The following RTN3 variants were observed in gnomAD, a reference collection of about 807,000 sequenced individuals.
The protein encoded by RTN3 is reticulon 3.
A neutral mutation model predicts 77.8 loss-of-function variants in RTN3; 49 were observed. The ratio of observed to expected loss-of-function variants is 0.63; its 90% confidence interval spans 0.50 to 0.80. The LOEUF (loss-of-function observed/expected upper bound fraction) is 0.80, where lower values mean the gene tolerates loss of function less well. Ranked by LOEUF, RTN3 falls within the 30% of genes least tolerant of loss-of-function variation. The probability of loss-of-function intolerance (pLI) is 0.00; values close to 1 mark genes in which losing one functional copy is unlikely to be tolerated. For synonymous variants in RTN3, 464 were observed against 446.9 expected (o/e 1.04, Z -0.48); for missense variants, 1,236 against 1,211.9 (o/e 1.02, Z -0.29).
At chr11:63,732,168 AT>A (rs1477476648) in intron 3 of RTN3, among the ~76,000 whole-genome samples, 1 of 152,012 alleles carries the variant, frequency 6.6e-6, no homozygotes, top group Non-Finnish European at 1.5e-5. Flanking sequence ...ATTATTTTTT[AT>A]TTTTTTGGAA....
intron 2 of RTN3, among the ~76,000 whole-genome samples, chr11:63,711,547 A>G (rs1216850490): frequency 6.6e-6 from 1 of 151,056 alleles, no homozygotes; most frequent in East Asian, 2.0e-4. Flanking sequence ...GTGCCACCAC[A>G]CCAAGCTAAT....
intron 5 of RTN3, 38 bp from the exon 6 acceptor site, chr11:63,753,031 C>A: frequency 6.3e-7 from 1 of 1,591,910 alleles, no homozygotes; most frequent in East Asian, 2.2e-5. Flanking sequence ...TTTTGCCTTA[C>A]GGTTATTCCT....
intron 1 of RTN3, 132 bp downstream of exon 1, chr11:63,681,910 G>T (rs1366205715): frequency 1.0e-6 from 1 of 993,686 alleles, no homozygotes; most frequent in South Asian, 1.8e-5. Context: ...CCCCGGGGAC[G>T]AGCGTTTGGA....
rs548015691 is a variant in RTN3, at chr11:63,750,461, T to G, written c.2738+263T>G. The G allele has an allele frequency of 3.0e-4, 120 of 406,274 alleles. 3 individuals are homozygous for G. Among genetic ancestry groups the G allele is most frequent in the South Asian group, 2.1e-3 (68 of 32,288 alleles). The allele number at this position is 406,274 out of a possible 1,614,324, so 25.2% of individuals were successfully genotyped here. A position where few individuals can be genotyped will look rare whatever the true frequency, so the allele number is the denominator to read the frequency against. On this transcript the variant is annotated intron_variant, in intron 4 of 8. Coordinates refer to ENST00000377819, the MANE Select transcript of RTN3 (RefSeq NM_001265589.2). ...TCAAAGAAGACTCTAAATTCTTTTT[T>G]TTTTTTTTTGAGACGGATATTGCTC...
rs746404385 is a variant in RTN3 at position 63,718,965 on chromosome 11, C to T, written c.463C>T (p.Arg155Cys). 64 of 1,614,044 alleles carry T rather than the reference C, an allele frequency of 4.0e-5. No individual in the cohort carries two copies. The highest frequency in any genetic ancestry group is 1.1e-4 in the South Asian group (10 of 91,088). The change falls in exon 3 of 9, where the codon CGT becomes TGT. Residue 155 changes from arginine (R) to cysteine (C), a missense_variant. By Grantham distance (180) the Arg-to-Cys change is radical. Coordinates refer to ENST00000377819, the MANE Select transcript of RTN3 (RefSeq NM_001265589.2). Reference protein sequence around the residue: ...VSLAAGVHCDRPSIPASFPEH... With the variant: ...VSLAAGVHCDCPSIPASFPEH... ...TCTTGCAGCAGGAGTTCATTGTGAC[C>T]GTCCTTCTATTCCAGCCAGTTTCCC...
rs1335299901 is a variant in RTN3 at position 63,758,142 on chromosome 11, C to T, written c.3054-14C>T. On this transcript the variant is annotated splice_polypyrimidine_tract_variant and intron_variant, in intron 8 of 8. Coordinates refer to ENST00000377819, the MANE Select transcript of RTN3 (RefSeq NM_001265589.2). Reference sequence around the variant, plus strand: ...TTTTCACTTTCTTTCTTTTTCCCCTCCTTTTCTCAATAGGATCCAAGCAAA... The same window carrying T: ...TTTTCACTTTCTTTCTTTTTCCCCTTCTTTTCTCAATAGGATCCAAGCAAA... The T allele has an allele frequency of 6.5e-7, 1 of 1,547,304 alleles. No homozygotes were observed. The highest frequency in any genetic ancestry group is 8.8e-7 in the Non-Finnish European group (1 of 1,138,100).
At chr11:63,684,764 C>G (rs1004467888) in intron 1 of RTN3, among the ~76,000 whole-genome samples, 1 of 152,016 alleles carries the variant, frequency 6.6e-6, no homozygotes, top group African/African-American at 2.4e-5. Flanking sequence ...GAGAAATAAA[C>G]TAAAGAGAAA....
At chr11:63,731,477 A>T (rs2012687886) in intron 3 of RTN3, among the ~76,000 whole-genome samples, 1 of 152,214 alleles carries the variant, frequency 6.6e-6, no homozygotes, top group Non-Finnish European at 1.5e-5. Context: ...GACAACATCT[A>T]GGAAAATTCC....
Position 63,711,538 on chromosome 11 carries a change from T to A in RTN3, c.199+6631T>A, listed in dbSNP as rs543443049. Among the ~76,000 whole-genome samples, 3 of 151,342 alleles carry A rather than the reference T, an allele frequency of 2.0e-5. No homozygotes were observed. In the South Asian group the frequency reaches 6.3e-4, roughly 32 times the overall value. On this transcript the variant is annotated intron_variant, in intron 2 of 8. Coordinates refer to ENST00000377819, the MANE Select transcript of RTN3 (RefSeq NM_001265589.2). ...CTGAGTAGCTGGAACCACAGGCGTG[T>A]GCCACCACACCAAGCTAATTTAAAA...
chr11:63,687,892 C>G (rs1452862232), intron 1 of RTN3, among the ~76,000 whole-genome samples: 2 of 152,126 alleles, frequency 1.3e-5, no homozygotes, highest in Non-Finnish European at 2.9e-5. Flanking sequence ...TATTGTTATG[C>G]CTTTTTTCCC....
At chr11:63,701,785 A>G (rs1942249865) in intron 1 of RTN3, among the ~76,000 whole-genome samples, 1 of 152,092 alleles carries the variant, frequency 6.6e-6, no homozygotes, top group Non-Finnish European at 1.5e-5. Context: ...TCTCCAGAAA[A>G]AAATAAAAAA....
intron 3 of RTN3, among the ~76,000 whole-genome samples, chr11:63,732,484 TGACTG>T (rs1031119794): frequency 1.8e-4 from 27 of 151,256 alleles, no homozygotes; most frequent in African/African-American, 5.4e-4. Flanking sequence ...AATTATTTCT[TGACTG>T]GACAAGAAAA....
chr11:63,730,967 C>A (rs1241956383), intron 3 of RTN3, among the ~76,000 whole-genome samples: 3 of 152,184 alleles, frequency 2.0e-5, no homozygotes, highest in Non-Finnish European at 4.4e-5. Context: ...GAACACTACT[C>A]CCTACAATAG....
At position 63,719,072 on chromosome 11, in the gene RTN3, A is replaced by G. The variant is rs1454252780; in HGVS notation, c.570A>G (p.Val190=). 1 of 1,614,214 alleles carries G rather than the reference A, an allele frequency of 6.2e-7. No individual in the cohort carries two copies. The highest frequency in any genetic ancestry group is 8.5e-7 in the Non-Finnish European group (1 of 1,180,030). ...IDKETKNPNG[V]SSREAKTALD... ...AAGAGACCAAGAACCCAAATGGGGT[A>G]TCAAGTAGGGAGGCTAAAACTGCAT... Residue 190 remains valine, a synonymous_variant, in exon 3 of 9, where the codon GTA becomes GTG. Coordinates refer to ENST00000377819, the MANE Select transcript of RTN3 (RefSeq NM_001265589.2).
rs1230260082 is a variant in RTN3, at chr11:63,719,215, T to A, written c.713T>A (p.Val238Asp). ...LSPSKVSGDD[V>D]IEKDSPESPF... Reference sequence around the variant, plus strand: ...CCATCCAAAGTTTCAGGAGATGATGTTATTGAAAAGGATTCCCCTGAATCA... The same window carrying A: ...CCATCCAAAGTTTCAGGAGATGATGATATTGAAAAGGATTCCCCTGAATCA... Residue 238 changes from valine to aspartate, a missense_variant, in exon 3 of 9, where the codon GTT (valine) becomes GAT (aspartate). By Grantham distance (152) the Val-to-Asp change is radical. This residue lies in a region of RTN3 where 1,056 missense variants were observed against 990.4 expected (regional missense o/e 1.07). Transcript: ENST00000377819. 6.2e-7 allele frequency: 1 copy of A among 1,614,156 alleles called. No individual in the cohort carries two copies. The highest frequency in any genetic ancestry group is 1.7e-5 in the Admixed American group (1 of 60,018).
intron 3 of RTN3, among the ~76,000 whole-genome samples, chr11:63,748,352 C>CT (rs112993177): frequency 2.4e-3 from 337 of 138,732 alleles, no homozygotes; most frequent in Middle Eastern, 7.4e-3. Context: ...GCCCCACTCA[C>CT]TTTTTTTTTT....
chr11:63,736,148 T>C (rs2013104592), intron 3 of RTN3, among the ~76,000 whole-genome samples: 1 of 152,112 alleles, frequency 6.6e-6, no homozygotes, highest in Non-Finnish European at 1.5e-5. Context: ...TTGACAGAAT[T>C]CAGTTCCTGG....
rs750587690 is a variant in RTN3, at chr11:63,720,372, G to A, written c.1870G>A (p.Glu624Lys). Residue 624 changes from glutamate (E) to lysine (K), a missense_variant, in exon 3 of 9, where the codon GAA (glutamate) becomes AAA (lysine). Physicochemically the swap from Glu to Lys is moderately conservative, Grantham distance 56. Around this residue, in one of 3 missense-constraint regions of RTN3, gnomAD observed 1,056 missense variants for 990.4 expected, o/e 1.07. Transcript: ENST00000377819. ...TVSPNVFNET[E>K]FSLNVTTSAY... ...GTCTCCAAATGTTTTTAATGAGACA[G>A]AATTCTCATTAAATGTGACAACATC... The A allele has an allele frequency of 6.2e-7, 1 of 1,614,022 alleles. No individual in the cohort carries two copies. The highest frequency in any genetic ancestry group is 2.2e-5 in the East Asian group (1 of 44,880).
At position 63,756,156 on chromosome 11, in the gene RTN3, G is replaced by C. The variant is rs2014372823; in HGVS notation, c.3039G>C (p.Lys1013Asn). The change falls in exon 8 of 9, where the codon AAG becomes AAC. Residue 1013 changes from lysine (K) to asparagine (N), a missense_variant. Physicochemically the swap from Lys to Asn is moderately conservative, Grantham distance 94 (BLOSUM62 0). This residue lies in a region of RTN3 where 141 missense variants were observed against 154.9 expected (regional missense o/e 0.91). Transcript: ENST00000377819. ...TTGGCATCGCCCGAGATCAGACCAAGTCAATTGTTGAAAAGTAAGTACATT... is the reference window on the plus strand; with the variant it reads ...TTGGCATCGCCCGAGATCAGACCAACTCAATTGTTGAAAAGTAAGTACATT... ...HYVGIARDQT[K>N]SIVEKIQAKL... The C allele has an allele frequency of 6.2e-7, 1 of 1,612,414 alleles. No individual in the cohort carries two copies. Among genetic ancestry groups the C allele is most frequent in the Non-Finnish European group, 8.5e-7 (1 of 1,178,472 alleles).
Sources: allele counts gnomAD v4.1 joint callset (sites outside exome capture counted in the v4.1 genomes callset), GRCh38; gene constraint gnomAD v4.1.1; regional missense constraint gnomAD v4.1.1; transcripts MANE v1.5; gene names NCBI Gene and HGNC (gene_info 2026-07-23, HGNC 2026-07-21).